The following SCOC variants were observed in gnomAD, a reference collection of about 807,000 sequenced individuals.
The protein encoded by SCOC is short coiled coil protein.
Under a neutral mutation model 9.9 loss-of-function variants are expected in SCOC, and 7 were observed. The ratio of observed to expected loss-of-function variants is 0.71; its 90% confidence interval spans 0.40 to 1.33. SCOC has a LOEUF of 1.33. SCOC is among the 40% of genes most tolerant of loss of function. The pLI is 0.01. For missense variants in SCOC, 66 were observed against 89.7 expected (o/e 0.74, Z 1.07); for synonymous variants, 19 against 28.2 (o/e 0.67, Z 1.03).
chr4:140,286,904 T>A (rs531735112), intron 1 of SCOC, among the ~76,000 whole-genome samples: 1 of 152,134 alleles, frequency 6.6e-6, no homozygotes, highest in African/African-American at 2.4e-5. Flanking sequence ...TACTAGCTGT[T>A]CCCCCAGAGG....
chr4:140,370,278 G>T (rs115886004), upstream of SCOC, among the ~76,000 whole-genome samples: 1,569 of 152,208 alleles, frequency 0.01, 18 homozygotes, highest in South Asian at 0.054. Flanking sequence ...ATGATACACA[G>T]TGGAGTCTAT....
At chr4:140,291,772 G>A (rs1469224599) in intron 1 of SCOC, among the ~76,000 whole-genome samples, 1 of 152,052 alleles carries the variant, frequency 6.6e-6, no homozygotes, top group East Asian at 1.9e-4. Flanking sequence ...TCTATTGGGG[G>A]GGCTGTGATA....
At chr4:140,326,039 T>C (rs536685199) in intron 1 of SCOC, among the ~76,000 whole-genome samples, 1 of 152,078 alleles carries the variant, frequency 6.6e-6, no homozygotes, top group South Asian at 2.1e-4. Context: ...AACACGGATC[T>C]TAAATGCATT....
chr4:140,313,176 C>A (rs146338132), intron 1 of SCOC, among the ~76,000 whole-genome samples: 62 of 152,298 alleles, frequency 4.1e-4, no homozygotes, highest in Middle Eastern at 3.4e-3. Context: ...ATTGTACTTC[C>A]ACCGAACAAA....
intron 1 of SCOC, among the ~76,000 whole-genome samples, chr4:140,313,307 G>A (rs1215170159): frequency 2.0e-5 from 3 of 152,114 alleles, no homozygotes; most frequent in African/African-American, 4.8e-5. Context: ...GTGCAATGGC[G>A]CGATCTAGCT....
chr4:140,321,737 G>C (rs1461007450), intron 1 of SCOC, among the ~76,000 whole-genome samples: 1 of 152,258 alleles, frequency 6.6e-6, no homozygotes, highest in African/African-American at 2.4e-5. Flanking sequence ...TGAAATCCCA[G>C]AATGAGAAGA....
chr4:140,352,434 C>T (rs1396069868), intron 2 of SCOC, among the ~76,000 whole-genome samples: 1 of 152,116 alleles, frequency 6.6e-6, no homozygotes, highest in Non-Finnish European at 1.5e-5. Flanking sequence ...CCTGGCCCAG[C>T]AAAATGCCTT....
intron 2 of SCOC, among the ~76,000 whole-genome samples, chr4:140,361,953 C>G (rs1017168236): frequency 6.6e-6 from 1 of 152,174 alleles, no homozygotes; most frequent in East Asian, 1.9e-4. Flanking sequence ...ATTCTGGGCT[C>G]TTTCAATAAC....
chr4:140,334,708 C>A (rs2036947), intron 1 of SCOC, among the ~76,000 whole-genome samples: 126,357 of 152,126 alleles, frequency 0.83, 52,529 homozygotes, highest in African/African-American at 0.85. Context: ...ATCTTGCATA[C>A]CTATGACTTT....
intron 1 of SCOC, among the ~76,000 whole-genome samples, chr4:140,278,348 G>A (rs539267800): frequency 1.3e-5 from 2 of 151,638 alleles, no homozygotes; most frequent in East Asian, 3.9e-4. Context: ...TGCCCAGGCT[G>A]AAGTGCAGTG....
intron 2 of SCOC, chr4:140,362,605 A>C (rs1000561328): frequency 1.3e-5 from 2 of 151,822 alleles, no homozygotes; most frequent in Non-Finnish European, 2.9e-5. Context: ...GTTACTTCTT[A>C]TTGTTGTAGG....
rs533624779 is a variant in SCOC, at chr4:140,327,997, G to A, written c.-18-15624G>A. 1.6e-4 allele frequency among the ~76,000 whole-genome samples: 25 copies of A among 152,290 alleles called. No homozygotes were observed. In the South Asian group the frequency reaches 2.7e-3, roughly 16 times the overall value. On this transcript the variant is annotated intron_variant, in intron 1 of 4. Coordinates refer to the SCOC transcript ENST00000394205. The stretch of plus-strand genomic sequence containing the variant: ...CGCCACACTTGAGAAGTGGATATGC[G>A]TGAGCCAAGTCCTGGCAGCCACACT...
chr4:140,379,086 T>C (rs1728462847), intron 1 of SCOC, 35 bp from the exon 2 acceptor site: 1 of 1,237,280 alleles, frequency 8.1e-7, no homozygotes, highest in Admixed American at 1.7e-5. Flanking sequence ...TTTATTGCTG[T>C]ATGTGTCTAT....
At chr4:140,358,013 T>C (rs1178453693) in intron 2 of SCOC, among the ~76,000 whole-genome samples, 1 of 151,982 alleles carries the variant, frequency 6.6e-6, no homozygotes, top group Non-Finnish European at 1.5e-5. Context: ...TTCCCTTCCT[T>C]TCTCTCTCTC....
At chr4:140,313,776 A>C (rs13128278) in intron 1 of SCOC, among the ~76,000 whole-genome samples, 22,932 of 151,592 alleles carry the variant, frequency 0.15, 2,323 homozygotes, top group East Asian at 0.35. Context: ...TCGTTTCATG[A>C]AAGAATTCAG....
intron 1 of SCOC, among the ~76,000 whole-genome samples, chr4:140,326,366 G>A (rs1416361378): frequency 1.3e-5 from 2 of 152,096 alleles, no homozygotes; most frequent in Admixed American, 6.6e-5. Flanking sequence ...AGGATGTTTA[G>A]GGGGAGATCC....
At chr4:140,350,394 G>T (rs1486127373) in intron 2 of SCOC, among the ~76,000 whole-genome samples, 1 of 152,246 alleles carries the variant, frequency 6.6e-6, no homozygotes, top group Non-Finnish European at 1.5e-5. Context: ...GATAGAATTT[G>T]TGTGTGTTGG....
intron 2 of SCOC, among the ~76,000 whole-genome samples, chr4:140,359,569 G>A: frequency 6.6e-6 from 1 of 152,126 alleles, no homozygotes; most frequent in East Asian, 1.9e-4. Context: ...GGCATGTCAA[G>A]GGATTTGTGA....
intron 2 of SCOC, among the ~76,000 whole-genome samples, chr4:140,355,622 A>G (rs143927622): frequency 6.6e-6 from 1 of 152,342 alleles, no homozygotes; most frequent in East Asian, 1.9e-4. Flanking sequence ...GTACTGAATA[A>G]TGAAATATGG....
Sources: allele counts gnomAD v4.1 joint callset (sites outside exome capture counted in the v4.1 genomes callset), GRCh38; gene constraint gnomAD v4.1.1; transcripts MANE v1.5; gene names NCBI Gene and HGNC (gene_info 2026-07-23, HGNC 2026-07-21).